The following CPQ variants were observed in gnomAD, a reference collection of about 807,000 sequenced individuals.
The protein encoded by CPQ is carboxypeptidase Q.
Under a neutral mutation model 45.7 loss-of-function variants are expected in CPQ, and 37 were observed. The ratio of observed to expected loss-of-function variants is 0.81; its 90% CI spans 0.62 to 1.07. CPQ has a LOEUF of 1.07. CPQ is among the 50% of genes least tolerant of loss of function. The probability of loss-of-function intolerance (pLI) is 0.00; values close to 1 mark genes in which losing one functional copy is unlikely to be tolerated. For missense variants in CPQ, 537 were observed against 572.9 expected (o/e 0.94, Z 0.64); for synonymous variants, 186 against 205.8 (o/e 0.90, Z 0.82).
At chr8:96,722,766 A>G (rs531367326) in intron 1 of CPQ, among the ~76,000 whole-genome samples, 1 of 152,306 alleles carries the variant, frequency 6.6e-6, no homozygotes, top group South Asian at 2.1e-4. Flanking sequence ...TCCTCTCCGT[A>G]TAGTGACTTA....
intron 1 of CPQ, among the ~76,000 whole-genome samples, chr8:96,750,666 G>A (rs560758887): frequency 6.6e-6 from 1 of 151,124 alleles, no homozygotes; most frequent in East Asian, 2.0e-4. Context: ...ACTAGTGCAG[G>A]ATGTACAGAT....
chr8:96,877,506 A>T (rs1480618918), intron 3 of CPQ, among the ~76,000 whole-genome samples: 1 of 152,214 alleles, frequency 6.6e-6, no homozygotes, highest in Non-Finnish European at 1.5e-5. Flanking sequence ...ACGTAAGGTA[A>T]TATGAATAAT....
chr8:96,720,798 T>C (rs1809752400), intron 1 of CPQ, among the ~76,000 whole-genome samples: 2 of 152,292 alleles, frequency 1.3e-5, no homozygotes, highest in Middle Eastern at 3.4e-3. Context: ...TTGTAATATC[T>C]AAGATTCTTT....
chr8:96,865,789 G>A (rs1000753288), intron 3 of CPQ, among the ~76,000 whole-genome samples: 2 of 151,908 alleles, frequency 1.3e-5, no homozygotes, highest in East Asian at 3.9e-4. Flanking sequence ...CCATTAACAG[G>A]CATAATAATG....
Position 96,706,196 on chromosome 8 carries a change from C to T in CPQ, c.-35+60794C>T, listed in dbSNP as rs1306328183. On this transcript the variant is annotated intron_variant, in intron 1 of 7. Transcript: ENST00000220763. The stretch of plus-strand genomic sequence containing the variant: ...CTTTTTTCTAGACTACTTGATTTTT[C>T]TTGACCTGTGGAATTTTATGATTAC... 1.2e-4 allele frequency among the ~76,000 whole-genome samples: 19 copies of T among 152,122 alleles called. 1 individual carries two copies. Among genetic ancestry groups the T allele is most frequent in the Admixed American group, 1.2e-3 (19 of 15,266 alleles).
chr8:96,784,989 GGA>G lies in CPQ; in HGVS notation c.93_94del (p.Arg31SerfsTer3), dbSNP rs1219842465. ...ATATGCAAGAATGGCATCTCTAAGA[GGA>G]CTTTTGAAGAAATAAAAGAAGAAAT... On this transcript the variant is annotated frameshift_variant, in exon 2 of 8. Coordinates refer to ENST00000220763, the MANE Select transcript of CPQ (RefSeq NM_016134.4). LOFTEE classifies it high-confidence loss of function. 9.3e-6 allele frequency: 15 copies of G among 1,613,602 alleles called. No homozygotes were observed. The highest frequency in any genetic ancestry group is 1.3e-5 in the African/African-American group (1 of 74,870).
intron 4 of CPQ, among the ~76,000 whole-genome samples, chr8:96,891,331 C>T (rs1430272449): frequency 2.6e-5 from 4 of 152,200 alleles, no homozygotes; most frequent in African/African-American, 9.7e-5. Context: ...TATAATCGAC[C>T]TGCCACCAAG....
chr8:96,669,135 C>T (rs146797643), intron 1 of CPQ, among the ~76,000 whole-genome samples: 164 of 152,300 alleles, frequency 1.1e-3, no homozygotes, highest in African/African-American at 3.9e-3. Flanking sequence ...TCCCATCAAC[C>T]AGTAATGAGC....
intron 6 of CPQ, among the ~76,000 whole-genome samples, chr8:97,044,743 G>A (rs1810203893): frequency 6.6e-6 from 1 of 152,180 alleles, no homozygotes; most frequent in African/African-American, 2.4e-5. Flanking sequence ...GTTTGCTAGA[G>A]GTCCACTCCC....
intron 7 of CPQ, among the ~76,000 whole-genome samples, chr8:97,131,945 C>G (rs1302113960): frequency 1.3e-5 from 2 of 152,296 alleles, no homozygotes; most frequent in Middle Eastern, 3.4e-3. Context: ...TTCCCATTCA[C>G]AGCAAAACAT....
chr8:96,646,161 C>T (rs1815518267), intron 1 of CPQ, among the ~76,000 whole-genome samples: 1 of 151,736 alleles, frequency 6.6e-6, no homozygotes, highest in Middle Eastern at 3.2e-3. Context: ...CGCACTTTTG[C>T]AAATGGAGGC....
intron 4 of CPQ, among the ~76,000 whole-genome samples, chr8:96,916,955 A>G (rs1563528312): frequency 6.6e-6 from 1 of 152,174 alleles, no homozygotes; most frequent in Admixed American, 6.6e-5. Flanking sequence ...GGTGCAAACT[A>G]TCAAAATGCT....
intron 7 of CPQ, among the ~76,000 whole-genome samples, chr8:97,130,234 T>C (rs1055329689): frequency 1.3e-5 from 2 of 152,112 alleles, no homozygotes; most frequent in Non-Finnish European, 2.9e-5. Flanking sequence ...AGAGAAAAAA[T>C]GACTCAGGAG....
chr8:96,920,733 C>T (rs550477303), intron 4 of CPQ, among the ~76,000 whole-genome samples: 53 of 152,178 alleles, frequency 3.5e-4, no homozygotes, highest in African/African-American at 1.3e-3. Flanking sequence ...GAAATTTGGA[C>T]ACACAAAGGG....
intron 6 of CPQ, among the ~76,000 whole-genome samples, chr8:97,031,415 T>C (rs1442741674): frequency 6.6e-6 from 1 of 152,086 alleles, no homozygotes; most frequent in Non-Finnish European, 1.5e-5. Flanking sequence ...CTCGATCTCC[T>C]GACCTTGTGA....
intron 1 of CPQ, among the ~76,000 whole-genome samples, chr8:96,730,880 T>TTTATGC (rs1809904464): frequency 8.2e-6 from 1 of 121,492 alleles, no homozygotes; most frequent in Non-Finnish European, 1.9e-5. Flanking sequence ...TATATATATA[T>TTTATGC]ATATATATAT....
rs573496462 is a variant in CPQ, at chr8:96,683,168, T to C, written c.-35+37766T>C. On this transcript the variant is annotated intron_variant, in intron 1 of 7. Transcript: ENST00000220763. ...TAGAGATTATCCATTTGCTTTCAGA[T>C]GTAGGATTCCGTTAAGTATTTCCTG... 1.3e-3 allele frequency among the ~76,000 whole-genome samples: 199 copies of C among 152,312 alleles called. 3 individuals carry two copies. Among genetic ancestry groups the C allele is most frequent in the African/African-American group, 4.6e-3 (190 of 41,592 alleles).
chr8:97,058,918 A>T (rs1181217620), intron 6 of CPQ, among the ~76,000 whole-genome samples: 2 of 152,084 alleles, frequency 1.3e-5, no homozygotes, highest in Non-Finnish European at 2.9e-5. Flanking sequence ...TGGATATTGC[A>T]TTTTTTAAAA....
At chr8:96,803,353 T>G (rs1811033130) in intron 2 of CPQ, among the ~76,000 whole-genome samples, 1 of 152,234 alleles carries the variant, frequency 6.6e-6, no homozygotes, top group Non-Finnish European at 1.5e-5. Context: ...AGAGAAAGAC[T>G]GAAGACAGAG....
Sources: allele counts gnomAD v4.1 joint callset (sites outside exome capture counted in the v4.1 genomes callset), GRCh38; gene constraint gnomAD v4.1.1; transcripts MANE v1.5; gene names NCBI Gene and HGNC (gene_info 2026-07-23, HGNC 2026-07-21).